The following JAKMIP2 variants were observed in gnomAD, a reference collection of about 807,000 sequenced individuals.
JAKMIP2 encodes janus kinase and microtubule-interacting protein 2.
JAKMIP2 carries 25 observed loss-of-function variants against 115.0 expected under a neutral mutation model. The ratio of observed to expected loss-of-function variants is 0.22; its 90% confidence interval spans 0.16 to 0.30. The LOEUF is 0.30. JAKMIP2 is among the 10% of genes least tolerant of loss of function. JAKMIP2 has a pLI of 1.00. For synonymous variants in JAKMIP2, 334 were observed against 343.6 expected, an observed-to-expected ratio of 0.97 and a Z score of 0.31; for missense variants, 642 against 957.6, an observed-to-expected ratio of 0.67 and a Z score of 4.35.
In JAKMIP2 at chr5:147,640,752, T is replaced by A; in HGVS notation, c.1353A>T (p.Ser451=). ...TAGCTGGTGTTCTGTCTGTTCTAAA[T>A]GAGGCCATGGATGATGTCTCTGAAT... is the stretch of plus-strand genomic sequence containing the variant. The part of the protein sequence containing the change: ...SMDSETSSMA[S]FRTDRTPATP... The change falls in exon 9 of 22, where the codon TCA becomes TCT. Residue 451 remains serine (S), a synonymous_variant. Transcript: ENST00000616793. The A allele has an allele frequency of 1.9e-6, 3 of 1,613,800 alleles. No individual in the cohort carries two copies. The highest frequency in any genetic ancestry group is 2.5e-6 in the Non-Finnish European group (3 of 1,179,808).
intron 1 of JAKMIP2, among the ~76,000 whole-genome samples, chr5:147,724,930 AC>A (rs1462418742): frequency 7.9e-5 from 12 of 152,200 alleles, no homozygotes; most frequent in African/African-American, 2.4e-4. Context: ...GACCTACTGG[AC>A]TGCATTCCCA....
intron 19 of JAKMIP2, 67 bp from the exon 20 acceptor site, chr5:147,612,438 CA>C: frequency 1.1e-6 from 1 of 895,766 alleles, no homozygotes; most frequent in East Asian, 2.5e-5. Context: ...AATAATTTAC[CA>C]AATGAAAACA....
rs561615991 is a variant in JAKMIP2 at position 147,605,924 on chromosome 5, C to G, written c.2413-4113G>C. On this transcript the variant is annotated intron_variant, in intron 20 of 21. Transcript: ENST00000616793. ...CATTGTGGTTTTAATTTGCATTTCT[C>G]TAATGACCAGTGATGATGAGCTTTT... Among the ~76,000 whole-genome samples the G allele has an allele frequency of 3.9e-5, 6 of 152,306 alleles. No homozygotes were observed. In the East Asian group the frequency reaches 1.2e-3, roughly 29 times the overall value.
At chr5:147,751,253 G>GTTTTTTTTTTT (rs1362390681) in intron 1 of JAKMIP2, among the ~76,000 whole-genome samples, 1 of 130,714 alleles carries the variant, frequency 7.7e-6, no homozygotes, top group African/African-American at 3.2e-5. Context: ...TTTTTTTGTT[G>GTTTTTTTTTTT]TTGTTTTTTT....
chr5:147,728,938 G>C, intron 1 of JAKMIP2, among the ~76,000 whole-genome samples: 1 of 152,278 alleles, frequency 6.6e-6, no homozygotes, highest in East Asian at 1.9e-4. Flanking sequence ...CTGCACTTCT[G>C]TCTGGTGTCC....
chr5:147,624,893 T>A (rs1359874820), intron 16 of JAKMIP2, among the ~76,000 whole-genome samples: 1 of 152,144 alleles, frequency 6.6e-6, no homozygotes, highest in Non-Finnish European at 1.5e-5. Context: ...AAGTAAAGAT[T>A]AAGGAAGTAA....
At chr5:147,730,458 T>TG (rs979158546) in intron 1 of JAKMIP2, among the ~76,000 whole-genome samples, 7 of 151,870 alleles carry the variant, frequency 4.6e-5, no homozygotes, top group Admixed American at 6.6e-5. Context: ...ATTTTTTTTT[T>TG]TTGTTATTGT....
Position 147,639,662 on chromosome 5 carries a change from T to C in JAKMIP2, c.1500A>G (p.Gly500=), listed in dbSNP as rs146762170. 3.7e-4 allele frequency: 601 copies of C among 1,613,630 alleles called. No homozygotes were observed. The highest frequency in any genetic ancestry group is 1.3e-3 in the Middle Eastern group (8 of 6,084). ...RAYALLQEQT[G]GIIDAEREAK... is the part of the protein sequence containing the mutation. ...CTTCTCGTTCAGCGTCGATGATGCC[T>C]CCCGTCTGCTCCTGTAGGAGGGCAT... Residue 500 remains glycine (G), a synonymous_variant, in exon 10 of 22, where the codon GGA becomes GGG. Transcript: ENST00000616793.
intron 1 of JAKMIP2, among the ~76,000 whole-genome samples, chr5:147,729,597 C>T (rs903991726): frequency 1.3e-5 from 2 of 151,860 alleles, no homozygotes; most frequent in Non-Finnish European, 2.9e-5. Context: ...CATGGTGAAA[C>T]CCCGTCTCTA....
chr5:147,611,494 C>T (rs564570329), intron 20 of JAKMIP2, among the ~76,000 whole-genome samples: 17 of 152,308 alleles, frequency 1.1e-4, no homozygotes, highest in Middle Eastern at 3.4e-3. Flanking sequence ...CCTGCTTTGG[C>T]TTGCCCTCCG....
At chr5:147,671,469 T>C (rs928480115) in intron 2 of JAKMIP2, among the ~76,000 whole-genome samples, 1 of 152,202 alleles carries the variant, frequency 6.6e-6, no homozygotes, top group Non-Finnish European at 1.5e-5. Flanking sequence ...ATCTGTCTAG[T>C]GAGTATGCTA....
chr5:147,691,155 C>T, intron 1 of JAKMIP2, among the ~76,000 whole-genome samples: 1 of 152,086 alleles, frequency 6.6e-6, no homozygotes, highest in East Asian at 1.9e-4. Context: ...ATAGGAGACA[C>T]AAGCATTGCA....
At chr5:147,755,553 C>G (rs573100741) in intron 1 of JAKMIP2, among the ~76,000 whole-genome samples, 70 of 152,150 alleles carry the variant, frequency 4.6e-4, no homozygotes, top group Non-Finnish European at 1.6e-4. Flanking sequence ...TTAAAAATAA[C>G]GTTTAATTTG....
At chr5:147,759,261 A>C (rs1754849233) in intron 1 of JAKMIP2, among the ~76,000 whole-genome samples, 1 of 152,086 alleles carries the variant, frequency 6.6e-6, no homozygotes, top group African/African-American at 2.4e-5. Context: ...AAGAGAAAGG[A>C]GAAGGGGAGC....
chr5:147,618,608 C>T lies in JAKMIP2; in HGVS notation c.2143-494G>A, dbSNP rs185958208. Among the ~76,000 whole-genome samples the T allele has an allele frequency of 1.7e-3, 259 of 152,112 alleles. 3 individuals carry two copies. The highest frequency in any genetic ancestry group is 2.6e-4 in the Non-Finnish European group (18 of 67,990). ...AAAAAATTAGGTGGGCGTGGTGGTG[C>T]GCACCTGTAATCCCAGCTACTCTGG... On this transcript the variant is annotated intron_variant, in intron 18 of 21. Coordinates refer to ENST00000616793, the MANE Select transcript of JAKMIP2 (RefSeq NM_001270941.2).
At chr5:147,688,503 C>T (rs1215240614) in intron 1 of JAKMIP2, among the ~76,000 whole-genome samples, 2 of 152,184 alleles carry the variant, frequency 1.3e-5, no homozygotes, top group Non-Finnish European at 2.9e-5. Context: ...CTGGTTGCTT[C>T]ATAGAGTCTG....
rs974272006 is a variant in JAKMIP2, at chr5:147,587,258, T to C, written c.*4449A>G. ...GAATGTTTATCATTCAAAAGTTATATTGAATTTTTTCAATGTAATAGATAA... is the reference window on the plus strand; with the variant it reads ...GAATGTTTATCATTCAAAAGTTATACTGAATTTTTTCAATGTAATAGATAA... On this transcript the variant is annotated 3_prime_UTR_variant, in exon 22 of 22. Transcript: ENST00000616793. 1.3e-5 allele frequency: 2 copies of C among 152,330 alleles called. No homozygotes were observed. Among genetic ancestry groups the C allele is most frequent in the African/African-American group, 2.4e-5 (1 of 41,588 alleles). The allele number at this position is 152,330 out of a possible 1,614,324, so 9.4% of individuals were successfully genotyped here. A position where few individuals can be genotyped will look rare whatever the true frequency, so the allele number is the denominator to read the frequency against.
intron 1 of JAKMIP2, among the ~76,000 whole-genome samples, chr5:147,748,274 A>AAT (rs558657513): frequency 1.2e-3 from 182 of 151,890 alleles, no homozygotes; most frequent in Non-Finnish European, 2.1e-3. Flanking sequence ...TATGTGAAAT[A>AAT]ATATATATAT....
chr5:147,660,835 G>A lies in JAKMIP2; in HGVS notation c.627+113C>T, dbSNP rs1192642660. On this transcript the variant is annotated intron_variant, in intron 3 of 21. Coordinates refer to ENST00000616793, the MANE Select transcript of JAKMIP2 (RefSeq NM_001270941.2). ...TGGATAGAGCACTGGACAAAAGGTAGGCACTGTTTACAATCCACTGACAAG... is the reference window on the plus strand; with the variant it reads ...TGGATAGAGCACTGGACAAAAGGTAAGCACTGTTTACAATCCACTGACAAG... 3.3e-6 allele frequency: 4 copies of A among 1,197,898 alleles called. No homozygotes were observed. In the African/African-American group the frequency reaches 6.1e-5, roughly 18 times the overall value. The allele number at this position is 1,197,898 out of a possible 1,614,324, so 74.2% of individuals were successfully genotyped here. A position where few individuals can be genotyped will look rare whatever the true frequency, so the allele number is the denominator to read the frequency against.
Sources: gnomAD v4.1 joint callset for allele counts (sites outside exome capture counted in the v4.1 genomes callset) on GRCh38, gnomAD v4.1.1 for gene constraint, MANE v1.5 for transcripts, NCBI Gene and HGNC (gene_info 2026-07-23, HGNC 2026-07-21) for gene names.